Variants in PKM observed in about 807,000 individuals in gnomAD.
PKM encodes pyruvate kinase M1/2.
Under a neutral mutation model 49.8 loss-of-function variants are expected in PKM, and 18 were observed. That is an observed-to-expected ratio of 0.36 (90% confidence interval 0.25 to 0.54). PKM has a LOEUF of 0.54. PKM is among the 20% of genes least tolerant of loss of function. The pLI, the probability that PKM is intolerant of heterozygous loss-of-function variation, is 0.89. For synonymous variants in PKM, 239 were observed against 261.8 expected, an observed-to-expected ratio of 0.91 and a Z score of 0.84; for missense variants, 508 against 713.8, an observed-to-expected ratio of 0.71 and a Z score of 3.28.
At position 72,227,775 on chromosome 15, in the gene PKM, CAAAAAA is replaced by C. The variant is rs1567135743; in HGVS notation, c.-14+3335_-14+3340del. On this transcript the variant is annotated intron_variant, in intron 1 of 10. Coordinates refer to ENST00000335181, the MANE Select transcript of PKM (RefSeq NM_002654.6). Reference sequence around the variant, plus strand: ...AAAAAAAAAAAAAAAAAAAAAAAAACAAAAAACTGAAGCAAAATAAACTAAAACCCA... The same window carrying C: ...AAAAAAAAAAAAAAAAAAAAAAAAACCTGAAGCAAAATAAACTAAAACCCA... 3.2e-4 allele frequency among the ~76,000 whole-genome samples: 14 copies of C among 43,550 alleles called. No homozygotes were observed. The East Asian group carries it at 8.9e-3, about 28-fold the overall frequency. The allele number at this position is 43,550 out of a possible 152,430, so 28.6% of individuals were successfully genotyped here.
chr15:72,228,323 G>C (rs1296160401), intron 1 of PKM, among the ~76,000 whole-genome samples: 1 of 151,760 alleles, frequency 6.6e-6, no homozygotes, highest in Non-Finnish European at 1.5e-5. Context: ...AAGCTCTTAA[G>C]GCAGTACAGA....
At chr15:72,216,466 T>A (rs552580868) in intron 3 of PKM, among the ~76,000 whole-genome samples, 5 of 152,142 alleles carry the variant, frequency 3.3e-5, no homozygotes, top group Admixed American at 6.5e-5. Flanking sequence ...CCCAAAAAAA[T>A]TTTTAAATTA....
intron 1 of PKM, among the ~76,000 whole-genome samples, chr15:72,230,034 G>T (rs1228964183): frequency 1.3e-5 from 2 of 152,204 alleles, no homozygotes; most frequent in Admixed American, 6.5e-5. Context: ...CCGTTACGAG[G>T]CCCAAGGCCA....
rs371750431 is a variant in PKM, at chr15:72,209,849, G to A, written c.389C>T (p.Ala130Val). ...GGCTCCCTTCTTCAGCTCCACCTCT[G>A]CAGTGCCGCTCTAGGGACAAGAGAG... Reference protein sequence around the residue: ...RTGLIKGSGTAEVELKKGATL... With the variant: ...RTGLIKGSGTVEVELKKGATL... The change falls in exon 5 of 11, where the codon GCA becomes GTA. Residue 130 changes from alanine to valine, a missense_variant. Ala to Val is a moderately conservative substitution (Grantham distance 64). Transcript: ENST00000335181. The A allele has an allele frequency of 3.1e-6, 5 of 1,613,970 alleles. No individual in the cohort carries two copies. The highest frequency in any genetic ancestry group is 2.5e-6 in the Non-Finnish European group (3 of 1,179,910).
At chr15:72,230,247 T>C (rs1461587402) in intron 1 of PKM, among the ~76,000 whole-genome samples, 2 of 152,114 alleles carry the variant, frequency 1.3e-5, no homozygotes, top group East Asian at 3.9e-4. Context: ...CCGCCCTGCC[T>C]CCCGGCAGCG....
intron 2 of PKM, among the ~76,000 whole-genome samples, chr15:72,218,121 T>C (rs1391073748): frequency 6.6e-6 from 1 of 152,052 alleles, no homozygotes; most frequent in East Asian, 1.9e-4. Context: ...TGTTTTTTTC[T>C]TTTTTCTTCC....
chr15:72,217,686 C>A (rs1360880264), intron 2 of PKM, among the ~76,000 whole-genome samples, 186 bp from the exon 3 acceptor site: 1 of 152,212 alleles, frequency 6.6e-6, no homozygotes, highest in Non-Finnish European at 1.5e-5. Context: ...TACTGGGACA[C>A]TTCGACCATT....
intron 3 of PKM, among the ~76,000 whole-genome samples, chr15:72,211,069 G>T (rs79394122): frequency 0.026 from 3,657 of 142,542 alleles, 148 homozygotes; most frequent in African/African-American, 0.09. Context: ...CAATCGCTTT[G>T]TTTTTTTTTT....
chr15:72,231,350 G>T (rs1185261056), upstream of PKM: 1 of 154,182 alleles, frequency 6.5e-6, no homozygotes, highest in Non-Finnish European at 1.5e-5. Flanking sequence ...GGCGGCGGCG[G>T]CGGAACGCGC....
chr15:72,210,249 G>A, intron 4 of PKM, 98 bp downstream of exon 4: 2 of 1,274,216 alleles, frequency 1.6e-6, no homozygotes, highest in South Asian at 1.3e-5. Flanking sequence ...GTCCTTCATA[G>A]TACTGGGAAG....
chr15:72,204,922 G>A (rs1327798451), intron 8 of PKM, among the ~76,000 whole-genome samples: 1 of 152,170 alleles, frequency 6.6e-6, no homozygotes, highest in African/African-American at 2.4e-5. Context: ...AGCCACTTTA[G>A]TGGTGACTGG....
At chr15:72,214,930 G>C (rs934847617) in intron 3 of PKM, among the ~76,000 whole-genome samples, 1 of 151,892 alleles carries the variant, frequency 6.6e-6, no homozygotes, top group Non-Finnish European at 1.5e-5. Flanking sequence ...TGTTAAAAGA[G>C]GGCTGGGCGT....
At chr15:72,227,676 G>A (rs752427571) in intron 1 of PKM, among the ~76,000 whole-genome samples, 6 of 138,310 alleles carry the variant, frequency 4.3e-5, no homozygotes, top group African/African-American at 1.6e-4. Flanking sequence ...AACCCAGGAG[G>A]TGGAGGTTGC....
chr15:72,214,534 G>A (rs912998360), intron 3 of PKM, among the ~76,000 whole-genome samples: 2 of 152,088 alleles, frequency 1.3e-5, no homozygotes, highest in Admixed American at 6.5e-5. Context: ...GGTGGCTCAC[G>A]CCTGTAATCC....
In PKM at chr15:72,200,758, G is replaced by GCCAGA; in HGVS notation, c.1308-104_1308-103insTCTGG. ...TCACCCTCTCATCCAGCTCACTGAG[G>GCCAGA]GCTCTGGCCTCTTCAACATCTGCTC... On this transcript the variant is annotated intron_variant, in intron 9 of 10. Coordinates refer to ENST00000335181, the MANE Select transcript of PKM (RefSeq NM_002654.6). The surrounding 1 kb of genome is among the most constrained non-coding windows in gnomAD (Gnocchi z 4.6). 9.9e-7 allele frequency: 1 copy of GCCAGA among 1,011,556 alleles called. No individual in the cohort carries two copies. Among genetic ancestry groups the GCCAGA allele is most frequent in the Non-Finnish European group, 1.5e-6 (1 of 682,636 alleles). The allele number at this position is 1,011,556 out of a possible 1,614,324, so 62.7% of individuals were successfully genotyped here. A position where few individuals can be genotyped will look rare whatever the true frequency, so the allele number is the denominator to read the frequency against.
At chr15:72,210,252 C>T in intron 4 of PKM, 95 bp downstream of exon 4, 1 of 1,325,138 alleles carries the variant, frequency 7.5e-7, no homozygotes, top group Non-Finnish European at 1.1e-6. Flanking sequence ...CTTCATAGTA[C>T]TGGGAAGAAA....
chr15:72,209,410 T>C (rs1596746151), intron 5 of PKM: 1 of 9,182 alleles, frequency 1.1e-4, no homozygotes, highest in African/African-American at 2.2e-4. Context: ...TATATATATA[T>C]ATATATATAT....
intron 3 of PKM, 110 bp from the exon 4 acceptor site, chr15:72,210,588 T>C (rs111955030): frequency 1.7e-5 from 21 of 1,206,956 alleles, no homozygotes; most frequent in African/African-American, 1.0e-4. Flanking sequence ...GTGGATGTCT[T>C]AGAGCTCTAT....
At chr15:72,203,600 T>C (rs1330502427) in intron 8 of PKM, 1 of 283,648 alleles carries the variant, frequency 3.5e-6, no homozygotes, top group African/African-American at 2.2e-5. Flanking sequence ...GCTGGTTGAT[T>C]AGGCAGGCTC....
Sources: allele counts gnomAD v4.1 joint callset (sites outside exome capture counted in the v4.1 genomes callset), GRCh38; gene constraint gnomAD v4.1.1; non-coding constraint Gnocchi (gnomAD v3.1); transcripts MANE v1.5; gene names NCBI Gene and HGNC (gene_info 2026-07-23, HGNC 2026-07-21).